Variants in PLCXD3 observed in about 807,000 individuals in gnomAD.
The protein encoded by PLCXD3 is PI-PLC X domain-containing protein 3.
In PLCXD3, 19 loss-of-function variants were observed where a neutral mutation model predicts 25.5. The observed-to-expected ratio is 0.75, with a 90% CI of 0.52 to 1.09. PLCXD3 has a LOEUF of 1.09. Ranked by LOEUF, PLCXD3 falls within the 50% of genes least tolerant of loss-of-function variation. PLCXD3 has a pLI of 0.00. For synonymous variants in PLCXD3, 174 were observed against 137.6 expected, an observed-to-expected ratio of 1.26 and a Z score of -1.85; for missense variants, 411 against 388.1, an observed-to-expected ratio of 1.06 and a Z score of -0.50.
At chr5:41,499,963 T>C (rs1300080893) in intron 1 of PLCXD3, among the ~76,000 whole-genome samples, 2 of 151,804 alleles carry the variant, frequency 1.3e-5, no homozygotes, top group South Asian at 4.1e-4. Flanking sequence ...CCTTATCTTA[T>C]GACATATGTA....
At chr5:41,357,598 A>T (rs1744655002) in intron 2 of PLCXD3, among the ~76,000 whole-genome samples, 1 of 152,192 alleles carries the variant, frequency 6.6e-6, no homozygotes, top group African/African-American at 2.4e-5. Flanking sequence ...AGTGCTTCTC[A>T]AACTTGACGT....
At chr5:41,437,667 A>G (rs1387525665) in intron 1 of PLCXD3, among the ~76,000 whole-genome samples, 1 of 152,198 alleles carries the variant, frequency 6.6e-6, no homozygotes, top group Non-Finnish European at 1.5e-5. Context: ...TAAAGACAGG[A>G]GTTTGAAGAA....
chr5:41,406,557 C>A (rs1304266817), intron 1 of PLCXD3, among the ~76,000 whole-genome samples: 2 of 152,140 alleles, frequency 1.3e-5, no homozygotes, highest in African/African-American at 4.8e-5. Context: ...TACACTCAAT[C>A]AGTCTTGAAG....
At chr5:41,422,267 T>C (rs1414807803) in intron 1 of PLCXD3, among the ~76,000 whole-genome samples, 13 of 152,208 alleles carry the variant, frequency 8.5e-5, no homozygotes, top group Non-Finnish European at 1.5e-4. Context: ...TTATCAGTCC[T>C]GGAAATGGCT....
intron 1 of PLCXD3, among the ~76,000 whole-genome samples, chr5:41,439,591 G>C (rs1274585990): frequency 1.3e-5 from 2 of 152,062 alleles, no homozygotes; most frequent in Non-Finnish European, 2.9e-5. Flanking sequence ...GAGTTGCAAA[G>C]CCCAAAGATA....
chr5:41,373,399 C>T (rs937553966), intron 2 of PLCXD3, among the ~76,000 whole-genome samples: 2 of 152,112 alleles, frequency 1.3e-5, no homozygotes, highest in East Asian at 1.9e-4. Context: ...ATGAAATGTG[C>T]ATGTTTACTT....
At chr5:41,349,098 G>C (rs1744381785) in intron 2 of PLCXD3, among the ~76,000 whole-genome samples, 2 of 152,128 alleles carry the variant, frequency 1.3e-5, no homozygotes. Flanking sequence ...CAAAGGATTA[G>C]AAAGAGTCCA....
At chr5:41,335,809 T>C (rs777911761) in intron 2 of PLCXD3, among the ~76,000 whole-genome samples, 2 of 152,126 alleles carry the variant, frequency 1.3e-5, no homozygotes, top group Non-Finnish European at 2.9e-5. Flanking sequence ...CTTGAAATCC[T>C]ACAGACAGAA....
chr5:41,375,940 T>C (rs763730194), intron 2 of PLCXD3, among the ~76,000 whole-genome samples: 1 of 152,136 alleles, frequency 6.6e-6, no homozygotes, highest in African/African-American at 2.4e-5. Flanking sequence ...TCAGCCTCAA[T>C]TTCCACCTCT....
At chr5:41,339,755 C>T (rs942085043) in intron 2 of PLCXD3, among the ~76,000 whole-genome samples, 1 of 152,098 alleles carries the variant, frequency 6.6e-6, no homozygotes, top group African/African-American at 2.4e-5. Flanking sequence ...TAAAAGAACC[C>T]TTGCTATACT....
intron 1 of PLCXD3, among the ~76,000 whole-genome samples, chr5:41,489,103 TG>T (rs1748589283): frequency 6.6e-6 from 1 of 152,320 alleles, no homozygotes; most frequent in South Asian, 2.1e-4. Flanking sequence ...AATTGATTTT[TG>T]TATAAGGTGT....
intron 1 of PLCXD3, among the ~76,000 whole-genome samples, chr5:41,484,955 A>G (rs1748487841): frequency 6.6e-6 from 1 of 152,190 alleles, no homozygotes; most frequent in Non-Finnish European, 1.5e-5. Context: ...TAAGAAATGA[A>G]AGTGAAGACC....
At chr5:41,499,678 C>G (rs572998289) in intron 1 of PLCXD3, among the ~76,000 whole-genome samples, 1 of 151,654 alleles carries the variant, frequency 6.6e-6, no homozygotes, top group Non-Finnish European at 1.5e-5. Context: ...ACTCCAAAAA[C>G]CCTCATAATT....
At chr5:41,419,335 C>A (rs1246718680) in intron 1 of PLCXD3, among the ~76,000 whole-genome samples, 1 of 152,088 alleles carries the variant, frequency 6.6e-6, no homozygotes. Flanking sequence ...CAAAAAAATA[C>A]TATACAAGAC....
At chr5:41,363,347 G>C (rs1561246000) in intron 2 of PLCXD3, among the ~76,000 whole-genome samples, 1 of 152,098 alleles carries the variant, frequency 6.6e-6, no homozygotes, top group South Asian at 2.1e-4. Flanking sequence ...AATATCTACT[G>C]CTTGATCCAA....
intron 1 of PLCXD3, chr5:41,475,586 G>A (rs1748264424): frequency 1.9e-6 from 1 of 533,418 alleles, no homozygotes; most frequent in African/African-American, 1.9e-5. Flanking sequence ...ATCCCTGTAG[G>A]CCTCTTCAGG....
Position 41,370,450 on chromosome 5 carries a change from C to T in PLCXD3, c.812+11376G>A, listed in dbSNP as rs968471282. 9.9e-5 allele frequency among the ~76,000 whole-genome samples: 15 copies of T among 152,108 alleles called. 1 individual carries two copies. The highest frequency in any genetic ancestry group is 2.9e-4 in the African/African-American group (12 of 41,410). On this transcript the variant is annotated intron_variant, in intron 2 of 2. Transcript: ENST00000377801. ...TTATAGAAAACATCATTTTATCAAC[C>T]AAATGTGGTAAGTTAAAAGCTGATA...
intron 1 of PLCXD3, among the ~76,000 whole-genome samples, chr5:41,497,394 C>T (rs1483427263): frequency 6.6e-6 from 1 of 151,602 alleles, no homozygotes; most frequent in African/African-American, 2.4e-5. Flanking sequence ...TTATATCAGA[C>T]AAAATAGATT....
At chr5:41,374,792 C>A (rs1415656790) in intron 2 of PLCXD3, among the ~76,000 whole-genome samples, 1 of 152,104 alleles carries the variant, frequency 6.6e-6, no homozygotes, top group Admixed American at 6.6e-5. Context: ...CCATTGTCAG[C>A]TGCTCTGCTC....
Sources: gnomAD v4.1 joint callset for allele counts (sites outside exome capture counted in the v4.1 genomes callset) on GRCh38, gnomAD v4.1.1 for gene constraint, MANE v1.5 for transcripts, NCBI Gene and HGNC (gene_info 2026-07-23, HGNC 2026-07-21) for gene names.